PTPRQ: variants seen among roughly 807,000 people sequenced by gnomAD.
PTPRQ encodes the protein phosphatidylinositol phosphatase PTPRQ.
Under a neutral mutation model 246.0 loss-of-function variants are expected in PTPRQ, and 199 were observed. The observed-to-expected ratio is 0.81, with a 90% CI of 0.72 to 0.91. The LOEUF (loss-of-function observed/expected upper bound fraction) is 0.91, where lower values mean the gene tolerates loss of function less well. PTPRQ is among the 40% of genes least tolerant of loss of function. The pLI is 0.00. For synonymous variants in PTPRQ, 869 were observed against 853.2 expected, an observed-to-expected ratio of 1.02 and a Z score of -0.32; for missense variants, 2,624 against 2,528.4, an observed-to-expected ratio of 1.04 and a Z score of -0.81.
intron 8 of PTPRQ, among the ~76,000 whole-genome samples, chr12:80,476,043 A>C (rs1281967590): frequency 6.7e-6 from 1 of 150,018 alleles, no homozygotes; most frequent in African/African-American, 2.4e-5. Flanking sequence ...TGTAGTCATT[A>C]GCTGTTTTTT....
intron 39 of PTPRQ, among the ~76,000 whole-genome samples, chr12:80,662,502 T>A (rs1208753487): frequency 6.6e-6 from 1 of 151,934 alleles, no homozygotes; most frequent in East Asian, 1.9e-4. Flanking sequence ...GACCTGAAAC[T>A]TTCTGAGTGA....
rs542910863 is a variant in PTPRQ at position 80,603,448 on chromosome 12, A to G, written c.4610-1611A>G. ...AGGTACTCTCTAGCTTAATTCCTAAATTACTACTTGGGCTTGTACATTTTT... is the reference window on the plus strand; with the variant it reads ...AGGTACTCTCTAGCTTAATTCCTAAGTTACTACTTGGGCTTGTACATTTTT... On this transcript the variant is annotated intron_variant, in intron 26 of 44. Coordinates refer to ENST00000644991, the MANE Select transcript of PTPRQ (RefSeq NM_001145026.2). 2.0e-5 allele frequency among the ~76,000 whole-genome samples: 3 copies of G among 151,772 alleles called. No homozygotes were observed. The East Asian group carries it at 5.9e-4, about 30-fold the overall frequency.
At chr12:80,495,849 C>A in intron 12 of PTPRQ, 150 bp from the exon 13 acceptor site, 1 of 939,190 alleles carries the variant, frequency 1.1e-6, no homozygotes, top group South Asian at 2.0e-5. Flanking sequence ...GCCTATAAGC[C>A]CAAGAATTTG....
chr12:80,604,271 A>G (rs2121077062), intron 26 of PTPRQ, among the ~76,000 whole-genome samples: 1 of 151,670 alleles, frequency 6.6e-6, no homozygotes, highest in Non-Finnish European at 1.5e-5. Context: ...CAGTGTTCTT[A>G]GGTTAATGTC....
chr12:80,569,087 G>C (rs1897063200), intron 25 of PTPRQ, among the ~76,000 whole-genome samples: 1 of 144,198 alleles, frequency 6.9e-6, no homozygotes, highest in Non-Finnish European at 1.5e-5. Flanking sequence ...TGTCTTTTTA[G>C]TACTGAGTTA....
intron 19 of PTPRQ, among the ~76,000 whole-genome samples, chr12:80,538,982 T>G (rs1489145619): frequency 6.6e-6 from 1 of 152,178 alleles, no homozygotes; most frequent in Non-Finnish European, 1.5e-5. Context: ...ATTGGAATGA[T>G]TCAGGTTACT....
At chr12:80,562,908 G>C (rs915432426) in intron 25 of PTPRQ, among the ~76,000 whole-genome samples, 2 of 151,432 alleles carry the variant, frequency 1.3e-5, no homozygotes, top group Non-Finnish European at 2.9e-5. Flanking sequence ...GAAAATTCAA[G>C]AATGAAACAA....
chr12:80,607,506 C>T (rs1381216161), intron 27 of PTPRQ, among the ~76,000 whole-genome samples: 2 of 140,004 alleles, frequency 1.4e-5, no homozygotes, highest in East Asian at 2.5e-4. Flanking sequence ...TTCCTTCCTT[C>T]CTCACACATT....
In PTPRQ at chr12:80,668,873, G is replaced by C. The variant is rs1383299828; in HGVS notation, c.6193-134G>C. 2.1e-5 allele frequency: 26 copies of C among 1,210,624 alleles called. No individual in the cohort carries two copies. In the East Asian group the frequency reaches 7.1e-4, roughly 33 times the overall value. The allele number at this position is 1,210,624 out of a possible 1,614,324, so 75.0% of individuals were successfully genotyped here. A position where few individuals can be genotyped will look rare whatever the true frequency, so the allele number is the denominator to read the frequency against. ...GACGTTGGAAATTTTGAGTATTTAA[G>C]ATTATCTAGTATTTACGGTATTCTA... On this transcript the variant is annotated intron_variant, in intron 39 of 44. Transcript: ENST00000644991.
Position 80,583,508 on chromosome 12 carries a change from G to A in PTPRQ, c.4286-4621G>A, listed in dbSNP as rs370072418. Among the ~76,000 whole-genome samples the A allele has an allele frequency of 2.4e-4, 37 of 152,164 alleles. 1 individual carries two copies. Among genetic ancestry groups the A allele is most frequent in the African/African-American group, 8.7e-4 (36 of 41,504 alleles). The stretch of plus-strand genomic sequence containing the variant: ...TAAATATCAGTTCAAAATAATGCAG[G>A]CTATACAAACTAATAGAGCTATCTG... On this transcript the variant is annotated intron_variant, in intron 25 of 44. Coordinates refer to ENST00000644991, the MANE Select transcript of PTPRQ (RefSeq NM_001145026.2).
intron 3 of PTPRQ, among the ~76,000 whole-genome samples, chr12:80,449,839 G>A (rs1182804702): frequency 1.3e-5 from 2 of 152,152 alleles, no homozygotes; most frequent in African/African-American, 2.4e-5. Context: ...TTTTGGCTTA[G>A]GATTGACTTG....
At chr12:80,463,967 C>G (rs1274161203) in intron 6 of PTPRQ, among the ~76,000 whole-genome samples, 2 of 151,644 alleles carry the variant, frequency 1.3e-5, no homozygotes, top group Non-Finnish European at 2.9e-5. Context: ...AACTAACGAG[C>G]AAAATAAACC....
chr12:80,620,222 AATG>A lies in PTPRQ; in HGVS notation c.5460_5462del (p.Asn1820_Glu1821delinsLys). The A allele has an allele frequency of 6.5e-7, 1 of 1,549,296 alleles. No homozygotes were observed. Among genetic ancestry groups the A allele is most frequent in the Non-Finnish European group, 8.7e-7 (1 of 1,145,350 alleles). On this transcript the variant is annotated inframe_deletion, in exon 32 of 45. Transcript: ENST00000644991. Reference sequence around the variant, plus strand: ...TAATAAAGCAAGGCCATATTTTACAAATGAAGGCTTTCCTAACCCTCCATGTAC... The same window carrying A: ...TAATAAAGCAAGGCCATATTTTACAAAAGGCTTTCCTAACCCTCCATGTAC...
At chr12:80,646,654 T>C (rs1250222862) in intron 35 of PTPRQ, among the ~76,000 whole-genome samples, 2 of 152,106 alleles carry the variant, frequency 1.3e-5, no homozygotes, top group African/African-American at 4.8e-5. Flanking sequence ...GAATGTTGAG[T>C]GCCCAGGCGA....
At chr12:80,648,651 A>T (rs1015410172) in intron 35 of PTPRQ, among the ~76,000 whole-genome samples, 1 of 152,128 alleles carries the variant, frequency 6.6e-6, no homozygotes. Flanking sequence ...ATTTATAATG[A>T]CATTTATAAT....
intron 26 of PTPRQ, among the ~76,000 whole-genome samples, chr12:80,598,046 A>C (rs1023641456): frequency 6.6e-6 from 1 of 151,960 alleles, no homozygotes; most frequent in Admixed American, 6.6e-5. Context: ...AGCTTAAGCC[A>C]GTCTGAAATT....
chr12:80,470,751 T>G (rs1159956995), intron 7 of PTPRQ, among the ~76,000 whole-genome samples: 1 of 151,946 alleles, frequency 6.6e-6, no homozygotes, highest in Non-Finnish European at 1.5e-5. Flanking sequence ...AAAAATAAAA[T>G]AGGTGATTAA....
chr12:80,528,097 A>T (rs1895743115), intron 17 of PTPRQ, among the ~76,000 whole-genome samples: 1 of 152,152 alleles, frequency 6.6e-6, no homozygotes, highest in Non-Finnish European at 1.5e-5. Flanking sequence ...TCTCATAAAT[A>T]AATAAATAAA....
Position 80,613,806 on chromosome 12 carries a change from A to T in PTPRQ, c.5133A>T (p.Gly1711=). Residue 1711 remains glycine, a synonymous_variant, in exon 29 of 45, where the codon GGA becomes GGT. Coordinates refer to ENST00000644991, the MANE Select transcript of PTPRQ (RefSeq NM_001145026.2). ...TNTFVIAMLE[G]LKGGHTYNIS... Reference sequence around the variant, plus strand: ...CATTCGTCATTGCAATGCTAGAAGGACTAAAAGGTGGACATACATACAATA... The same window carrying T: ...CATTCGTCATTGCAATGCTAGAAGGTCTAAAAGGTGGACATACATACAATA... The T allele has an allele frequency of 6.5e-7, 1 of 1,539,782 alleles. No individual in the cohort carries two copies. The highest frequency in any genetic ancestry group is 8.8e-7 in the Non-Finnish European group (1 of 1,140,348).
Sources: allele counts gnomAD v4.1 joint callset (sites outside exome capture counted in the v4.1 genomes callset), GRCh38; gene constraint gnomAD v4.1.1; transcripts MANE v1.5; gene names NCBI Gene and HGNC (gene_info 2026-07-23, HGNC 2026-07-21).